Variants in TMTC1 observed in about 807,000 individuals in gnomAD.
TMTC1 encodes the protein transmembrane O-mannosyltransferase targeting cadherins 1.
Under a neutral mutation model 104.8 loss-of-function variants are expected in TMTC1, and 73 were observed. The ratio of observed to expected loss-of-function variants is 0.70; its 90% CI spans 0.58 to 0.85. The LOEUF is 0.85. Among genes scored for constraint, TMTC1 ranks in the 40% least tolerant of loss-of-function variants. The pLI is 0.00. For synonymous variants in TMTC1, 434 were observed against 428.7 expected (o/e 1.01, Z -0.15); for missense variants, 1,035 against 1,096.1 (o/e 0.94, Z 0.79).
chr12:29,685,044 GGAT>G (rs1325213890), intron 5 of TMTC1, among the ~76,000 whole-genome samples: 1 of 151,964 alleles, frequency 6.6e-6, no homozygotes, highest in Non-Finnish European at 1.5e-5. Flanking sequence ...ATTGGGCATA[GGAT>G]GATAAGATCC....
intron 8 of TMTC1, among the ~76,000 whole-genome samples, chr12:29,582,662 G>C (rs1306163587): frequency 6.6e-6 from 1 of 152,204 alleles, no homozygotes. Flanking sequence ...CTTTCCTTAA[G>C]TGATATTAGC....
At chr12:29,764,433 A>G (rs970539911) in intron 2 of TMTC1, among the ~76,000 whole-genome samples, 1 of 152,212 alleles carries the variant, frequency 6.6e-6, no homozygotes, top group African/African-American at 2.4e-5. Context: ...GCTTGAGCCC[A>G]GGAGATGGGG....
Position 29,783,725 on chromosome 12 carries a change from G to A in TMTC1, c.27C>T (p.Gly9=), listed in dbSNP as rs2120713629. Residue 9 remains glycine, a synonymous_variant, in exon 1 of 18, where the codon GGC becomes GGT. Coordinates refer to ENST00000539277, the MANE Select transcript of TMTC1 (RefSeq NM_001193451.2). The surrounding 1 kb of genome is among the most constrained non-coding windows in gnomAD (Gnocchi z 4.7). MVVTTSAR[G]GGGDRTPSRR... is the part of the protein sequence containing the mutation. ...GGGAGGGTGTGCGGTCCCCGCCGCC[G>A]CCTCGGGCAGAGGTGGTCACCACCA... 8.3e-7 allele frequency: 1 copy of A among 1,207,438 alleles called. No homozygotes were observed. The highest frequency in any genetic ancestry group is 1.0e-6 in the Non-Finnish European group (1 of 976,880). The allele number at this position is 1,207,438 out of a possible 1,614,324, so 74.8% of individuals were successfully genotyped here. A position where few individuals can be genotyped will look rare whatever the true frequency, so the allele number is the denominator to read the frequency against.
intron 9 of TMTC1, among the ~76,000 whole-genome samples, chr12:29,570,881 ACC>A (rs71045818): frequency 0.04 from 1,241 of 31,348 alleles, 58 homozygotes; most frequent in African/African-American, 0.089. Flanking sequence ...AAACAGAAAC[ACC>A]CCCCCCCCCC....
At chr12:29,605,868 C>T (rs1297792724) in intron 6 of TMTC1, among the ~76,000 whole-genome samples, 2 of 152,158 alleles carry the variant, frequency 1.3e-5, no homozygotes, top group Non-Finnish European at 2.9e-5. Flanking sequence ...CCTTTCCCCT[C>T]CCTCCTTTCA....
In TMTC1 at chr12:29,501,711, G is replaced by T. The variant is rs1943599221; in HGVS notation, c.*5135C>A. ...ATGTCTCTCCAGGTAGGAGTCAATG[G>T]TGATCTATGCTTACAAACCAATAAT... On this transcript the variant is annotated 3_prime_UTR_variant, in exon 18 of 18. Transcript: ENST00000539277. 1 of 152,202 alleles carries T rather than the reference G, an allele frequency of 6.6e-6. No homozygotes were observed. 9.4% of individuals were successfully genotyped at this position (152,202 alleles called of 1,614,324 possible). A position where few individuals can be genotyped will look rare whatever the true frequency, so the allele number is the denominator to read the frequency against.
intron 1 of TMTC1, among the ~76,000 whole-genome samples, chr12:29,769,174 T>C (rs1943541245): frequency 6.6e-6 from 1 of 152,236 alleles, no homozygotes; most frequent in Non-Finnish European, 1.5e-5. Context: ...ACGTAATTCA[T>C]GCACAGCTTT....
chr12:29,617,091 T>C (rs566686437), intron 6 of TMTC1, among the ~76,000 whole-genome samples: 2 of 152,026 alleles, frequency 1.3e-5, no homozygotes, highest in Non-Finnish European at 2.9e-5. Flanking sequence ...ATTCCCTACA[T>C]ATTTCTTCTG....
intron 5 of TMTC1, among the ~76,000 whole-genome samples, chr12:29,723,938 A>G (rs1942309732): frequency 6.6e-6 from 1 of 152,236 alleles, no homozygotes; most frequent in Admixed American, 6.5e-5. Context: ...CCTTAGACTT[A>G]AAAGTCAAAA....
intron 6 of TMTC1, among the ~76,000 whole-genome samples, chr12:29,628,326 C>A (rs1188294194): frequency 1.3e-5 from 2 of 152,042 alleles, no homozygotes; most frequent in African/African-American, 4.8e-5. Flanking sequence ...CAGTGAACAT[C>A]AAGAATATGG....
intron 1 of TMTC1, among the ~76,000 whole-genome samples, chr12:29,770,474 A>C (rs949061941): frequency 6.6e-6 from 1 of 152,326 alleles, no homozygotes; most frequent in Non-Finnish European, 1.5e-5. Flanking sequence ...GCCCTAATGC[A>C]CCTAATTCCA....
At chr12:29,736,082 C>T (rs907233486) in intron 5 of TMTC1, among the ~76,000 whole-genome samples, 6 of 152,128 alleles carry the variant, frequency 3.9e-5, no homozygotes, top group African/African-American at 1.4e-4. Context: ...AACTGTATGA[C>T]CAGATTAACT....
At chr12:29,730,327 A>T (rs965959446) in intron 5 of TMTC1, among the ~76,000 whole-genome samples, 1 of 152,234 alleles carries the variant, frequency 6.6e-6, no homozygotes, top group Non-Finnish European at 1.5e-5. Flanking sequence ...TTTTTAAAAG[A>T]TGAATTTCCT....
intron 5 of TMTC1, among the ~76,000 whole-genome samples, chr12:29,717,146 A>G (rs962948814): frequency 3.3e-5 from 5 of 152,244 alleles, no homozygotes; most frequent in African/African-American, 1.2e-4. Context: ...CATATTTAAA[A>G]CAAGGATCTA....
chr12:29,775,122 C>T (rs756616911), intron 1 of TMTC1, among the ~76,000 whole-genome samples: 8 of 152,000 alleles, frequency 5.3e-5, no homozygotes, highest in Non-Finnish European at 1.0e-4. Context: ...GGTAGCAAGT[C>T]CCGGAAGAAA....
In TMTC1 at chr12:29,645,051, G is replaced by A. The variant is rs1238976949; in HGVS notation, c.939-11715C>T. On this transcript the variant is annotated intron_variant, in intron 5 of 17. Coordinates refer to ENST00000539277, the MANE Select transcript of TMTC1 (RefSeq NM_001193451.2). The stretch of plus-strand genomic sequence containing the variant: ...CCTCACTAAAACAGAAGCTCCTCAG[G>A]AGCAGTGACTATGTCTGTCTATAAT... Among the ~76,000 whole-genome samples the A allele has an allele frequency of 5.3e-5, 8 of 152,254 alleles. No homozygotes were observed. The Middle Eastern group carries it at 0.01, about 194-fold the overall frequency.
intron 5 of TMTC1, among the ~76,000 whole-genome samples, chr12:29,677,401 T>C (rs1240872562): frequency 3.3e-5 from 5 of 152,174 alleles, no homozygotes; most frequent in African/African-American, 1.2e-4. Flanking sequence ...AAAATATGCA[T>C]AGAAGCACAA....
chr12:29,725,011 G>GTTTT lies in TMTC1; in HGVS notation c.938+26654_938+26655insAAAA, dbSNP rs879602127. ...CGTAGTTTAGCTATATATCTGCCAAGTTCTTTTTTTTTTTTTTTTTTTTTT... is the reference window on the plus strand; with the variant it reads ...CGTAGTTTAGCTATATATCTGCCAAGTTTTTTCTTTTTTTTTTTTTTTTTTTTTT... On this transcript the variant is annotated intron_variant, in intron 5 of 17. Coordinates refer to ENST00000539277, the MANE Select transcript of TMTC1 (RefSeq NM_001193451.2). Among the ~76,000 whole-genome samples the GTTTT allele has an allele frequency of 4.6e-3, 534 of 115,536 alleles. 68 individuals carry two copies. Among genetic ancestry groups the GTTTT allele is most frequent in the Middle Eastern group, 0.01 (2 of 192 alleles). 75.8% of individuals were successfully genotyped at this position (115,536 alleles called of 152,430 possible).
intron 10 of TMTC1, among the ~76,000 whole-genome samples, chr12:29,542,238 T>C (rs780589448): frequency 6.6e-6 from 1 of 152,092 alleles, no homozygotes; most frequent in Non-Finnish European, 1.5e-5. Context: ...CACAGAAAAC[T>C]CTGAATCCCT....
Sources: allele counts gnomAD v4.1 joint callset (sites outside exome capture counted in the v4.1 genomes callset), GRCh38; gene constraint gnomAD v4.1.1; non-coding constraint Gnocchi (gnomAD v3.1); transcripts MANE v1.5; gene names NCBI Gene and HGNC (gene_info 2026-07-23, HGNC 2026-07-21).